PCSK6: variants seen among roughly 807,000 people sequenced by gnomAD.
PCSK6 encodes the protein proprotein convertase subtilisin/kexin type 6.
A neutral mutation model predicts 123.3 loss-of-function variants in PCSK6; 85 were observed. The ratio of observed to expected loss-of-function variants is 0.69; its 90% CI spans 0.58 to 0.83. The LOEUF (loss-of-function observed/expected upper bound fraction) is 0.83. Ranked by LOEUF, PCSK6 falls within the 40% of genes least tolerant of loss-of-function variation. PCSK6 has a pLI of 0.00. For synonymous variants in PCSK6, 508 were observed against 516.0 expected, an observed-to-expected ratio of 0.98 and a Z score of 0.21; for missense variants, 1,191 against 1,282.3, an observed-to-expected ratio of 0.93 and a Z score of 1.09.
chr15:101,345,137 C>T (rs745816629), intron 13 of PCSK6, among the ~76,000 whole-genome samples: 1 of 152,108 alleles, frequency 6.6e-6, no homozygotes, highest in Non-Finnish European at 1.5e-5. Context: ...GTGGGCTCCA[C>T]AGATGAAGCA....
intron 6 of PCSK6, among the ~76,000 whole-genome samples, chr15:101,405,048 G>T (rs566873480): frequency 6.6e-6 from 1 of 152,140 alleles, no homozygotes; most frequent in African/African-American, 2.4e-5. Flanking sequence ...AGCATCACGC[G>T]CTTAGATCTT....
intron 1 of PCSK6, among the ~76,000 whole-genome samples, chr15:101,446,689 A>G (rs1443514976): frequency 6.6e-6 from 1 of 152,228 alleles, no homozygotes; most frequent in Non-Finnish European, 1.5e-5. Context: ...TGTGATGTAC[A>G]GCATTTGCTG....
chr15:101,326,549 C>G (rs866357627), intron 15 of PCSK6, 70 bp from the exon 16 acceptor site: 7 of 1,402,890 alleles, frequency 5.0e-6, no homozygotes, highest in Admixed American at 2.0e-5. Context: ...CCGCGGATCC[C>G]TGTGTCAGGA....
chr15:101,439,867 C>T (rs769789294), intron 2 of PCSK6, among the ~76,000 whole-genome samples: 1 of 152,126 alleles, frequency 6.6e-6, no homozygotes, highest in African/African-American at 2.4e-5. Context: ...CTCCTACGGC[C>T]CTAGAAGGAG....
intron 2 of PCSK6, among the ~76,000 whole-genome samples, chr15:101,442,498 A>G (rs1423047327): frequency 6.6e-6 from 1 of 152,162 alleles, no homozygotes; most frequent in African/African-American, 2.4e-5. Context: ...TCAGGTACAG[A>G]GCCCAGAGAT....
chr15:101,337,431 A>C (rs1001769350), intron 13 of PCSK6: 3 of 152,252 alleles, frequency 2.0e-5, no homozygotes, highest in African/African-American at 7.2e-5. Flanking sequence ...ATAAATTTGA[A>C]GAGTGATTCT....
chr15:101,413,621 G>A (rs1055689541), intron 6 of PCSK6, among the ~76,000 whole-genome samples: 11 of 150,630 alleles, frequency 7.3e-5, no homozygotes, highest in African/African-American at 2.5e-4. Context: ...CATGGCCCAC[G>A]TTTGACAGCA....
rs2058130048 is a variant in PCSK6 at position 101,489,677 on chromosome 15, G to C, written c.-7C>G. ...GCGGCGCGCGCGGAGGCATAGCGGC[G>C]ACAGGCTCGCGCGGCGCCCGAGCTG... On this transcript the variant is annotated 5_prime_UTR_variant, in exon 1 of 22. Coordinates refer to ENST00000611716, the MANE Select transcript of PCSK6 (RefSeq NM_002570.5). 1 of 974,120 alleles carries C rather than the reference G, an allele frequency of 1.0e-6. No homozygotes were observed. Among genetic ancestry groups the C allele is most frequent in the Non-Finnish European group, 1.2e-6 (1 of 822,914 alleles). 60.3% of individuals were successfully genotyped at this position (974,120 alleles called of 1,614,324 possible).
At position 101,313,356 on chromosome 15, in the gene PCSK6, C is replaced by G; in HGVS notation, c.2699+20G>C. ...TTGCTGGACACAGCTGCCTGCCGTT[C>G]CCCGCCAGGAGGACCGTACCTTCGA... On this transcript the variant is annotated intron_variant, in intron 20 of 21. Coordinates refer to ENST00000611716, the MANE Select transcript of PCSK6 (RefSeq NM_002570.5). 1 of 1,612,712 alleles carries G rather than the reference C, an allele frequency of 6.2e-7. No homozygotes were observed. Among genetic ancestry groups the G allele is most frequent in the African/African-American group, 1.3e-5 (1 of 75,070 alleles).
intron 1 of PCSK6, among the ~76,000 whole-genome samples, chr15:101,447,184 G>T (rs530816031): frequency 8.9e-4 from 136 of 152,258 alleles, no homozygotes; most frequent in African/African-American, 3.2e-3. Context: ...GTACGAGGAG[G>T]TTCTGCCCCT....
In PCSK6 at chr15:101,407,968, A is replaced by G. The variant is rs2042828377; in HGVS notation, c.824-9392T>C. On this transcript the variant is annotated intron_variant, in intron 6 of 21. Transcript: ENST00000611716. ...TACAAAACCTGGAAAAGCCTTAGCC[A>G]TGGTCTAGAGGTTTGACATCGAGGC... is the stretch of plus-strand genomic sequence containing the variant. Among the ~76,000 whole-genome samples, 3 of 152,224 alleles carry G rather than the reference A, an allele frequency of 2.0e-5. 1 individual carries two copies. The highest frequency in any genetic ancestry group is 4.1e-4 in the South Asian group (2 of 4,838).
intron 2 of PCSK6, among the ~76,000 whole-genome samples, chr15:101,433,511 C>T (rs190444553): frequency 4.6e-5 from 7 of 152,210 alleles, no homozygotes; most frequent in African/African-American, 1.4e-4. Context: ...GCCGTGCTCT[C>T]GAGGAGTCTG....
intron 1 of PCSK6, among the ~76,000 whole-genome samples, chr15:101,477,334 A>G (rs2057758590): frequency 1.3e-5 from 2 of 152,182 alleles, no homozygotes; most frequent in South Asian, 2.1e-4. Context: ...AAATACTCCA[A>G]AATCCAACAG....
chr15:101,326,620 C>A (rs577302523), intron 15 of PCSK6, 141 bp from the exon 16 acceptor site: 19 of 756,776 alleles, frequency 2.5e-5, no homozygotes, highest in Admixed American at 1.5e-4. Flanking sequence ...GACGGCCAGA[C>A]GACAAGGCGG....
At chr15:101,403,046 A>G (rs1358991093) in intron 6 of PCSK6, among the ~76,000 whole-genome samples, 1 of 152,120 alleles carries the variant, frequency 6.6e-6, no homozygotes. Flanking sequence ...GATAGACTGG[A>G]TTAAGAAAGT....
chr15:101,458,342 G>A (rs574348326), intron 1 of PCSK6, among the ~76,000 whole-genome samples: 1 of 152,242 alleles, frequency 6.6e-6, no homozygotes, highest in South Asian at 2.1e-4. Flanking sequence ...ATGTTGAAAG[G>A]GGTTTCCGCA....
At chr15:101,426,231 A>G (rs934013442) in intron 6 of PCSK6, among the ~76,000 whole-genome samples, 1 of 152,208 alleles carries the variant, frequency 6.6e-6, no homozygotes, top group Non-Finnish European at 1.5e-5. Context: ...GGTTTCACAC[A>G]TGGTATCTGA....
At chr15:101,404,715 T>C (rs2042716953) in intron 6 of PCSK6, among the ~76,000 whole-genome samples, 1 of 152,178 alleles carries the variant, frequency 6.6e-6, no homozygotes, top group Non-Finnish European at 1.5e-5. Context: ...AAAGCTAAGT[T>C]GAGGCCCTGG....
intron 1 of PCSK6, among the ~76,000 whole-genome samples, chr15:101,467,274 C>CT (rs36020493): frequency 3.4e-4 from 48 of 141,972 alleles, no homozygotes; most frequent in East Asian, 1.4e-3. Context: ...AGCAACAATT[C>CT]TTTTTTTTTT....
Sources: gnomAD v4.1 joint callset for allele counts (sites outside exome capture counted in the v4.1 genomes callset) on GRCh38, gnomAD v4.1.1 for gene constraint, MANE v1.5 for transcripts, NCBI Gene and HGNC (gene_info 2026-07-23, HGNC 2026-07-21) for gene names.